The following KLHL13 variants were observed in gnomAD, a reference collection of about 807,000 sequenced individuals.
The protein encoded by KLHL13 is kelch-like protein 13.
In KLHL13, 10 loss-of-function variants were observed where a neutral mutation model predicts 37.1. The observed-to-expected ratio is 0.27, with a 90% CI of 0.17 to 0.46. The LOEUF (loss-of-function observed/expected upper bound fraction) is 0.46, where lower values mean the gene tolerates loss of function less well. KLHL13 is among the 20% of genes least tolerant of loss of function. The pLI, the probability that KLHL13 is intolerant of heterozygous loss-of-function variation, is 1.00. For synonymous variants in KLHL13, 163 were observed against 181.2 expected, an observed-to-expected ratio of 0.90 and a Z score of 0.81; for missense variants, 360 against 509.3, an observed-to-expected ratio of 0.71 and a Z score of 2.82.
intron 2 of KLHL13, among the ~76,000 whole-genome samples, chrX:117,935,445 G>A (rs1602567394): frequency 8.9e-6 from 1 of 112,031 alleles, no homozygotes; most frequent in Non-Finnish European, 1.9e-5. Flanking sequence ...AATGGTTGCT[G>A]TATTAATCCA....
chrX:117,944,128 C>T (rs1933197228), intron 2 of KLHL13, among the ~76,000 whole-genome samples: 1 of 110,910 alleles, frequency 9.0e-6, no homozygotes, highest in Admixed American at 9.7e-5. Context: ...CACTCCAGAC[C>T]CTGTTTGCCC....
At chrX:117,975,207 C>T (rs2497861), upstream of KLHL13, among the ~76,000 whole-genome samples, 3,147 of 110,280 alleles carry the variant, frequency 0.029, 126 homozygotes, top group African/African-American at 0.099. Context: ...CACACAGCCA[C>T]ACACATGTAT....
At chrX:118,040,817 A>G (rs2054499216) in intron 1 of KLHL13, among the ~76,000 whole-genome samples, 1 of 112,284 alleles carries the variant, frequency 8.9e-6, no homozygotes, top group Admixed American at 9.5e-5. Context: ...CAGCAAGAGA[A>G]AAGAAACAAA....
chrX:118,024,870 T>C (rs1419562743), intron 1 of KLHL13, among the ~76,000 whole-genome samples: 1 of 112,290 alleles, frequency 8.9e-6, no homozygotes, highest in Non-Finnish European at 1.9e-5. Flanking sequence ...CCACTTCTAG[T>C]ATACTGTAAA....
intron 1 of KLHL13, among the ~76,000 whole-genome samples, chrX:117,999,367 A>G (rs916023891): frequency 9.0e-6 from 1 of 111,577 alleles, no homozygotes; most frequent in Admixed American, 9.6e-5. Flanking sequence ...GCAGCCATAA[A>G]AAAGGATGAG....
intron 1 of KLHL13, among the ~76,000 whole-genome samples, chrX:118,033,083 G>A (rs1368273370): frequency 3.6e-5 from 4 of 111,101 alleles, no homozygotes; most frequent in Non-Finnish European, 5.7e-5. Flanking sequence ...AAGAAATGTA[G>A]GACTATGTGA....
At chrX:118,065,872 G>A (rs1389667355) in intron 1 of KLHL13, among the ~76,000 whole-genome samples, 2 of 111,784 alleles carry the variant, frequency 1.8e-5, no homozygotes, top group Non-Finnish European at 1.9e-5. Context: ...TATTTTAATA[G>A]ATACTAAAAT....
intron 1 of KLHL13, among the ~76,000 whole-genome samples, chrX:118,065,510 G>C (rs917752330): frequency 9.0e-6 from 1 of 111,222 alleles, no homozygotes; most frequent in African/African-American, 3.3e-5. Flanking sequence ...CTGGGAATTG[G>C]AGCAGAGCAA....
At chrX:117,909,005 T>C (rs1930782568) in intron 5 of KLHL13, among the ~76,000 whole-genome samples, 1 of 111,813 alleles carries the variant, frequency 8.9e-6, no homozygotes, top group Non-Finnish European at 1.9e-5. Context: ...TATTATAATT[T>C]AAATGAGCTA....
chrX:118,089,612 GAA>G (rs1491145529), intron 1 of KLHL13, among the ~76,000 whole-genome samples: 2,489 of 57,264 alleles, frequency 0.043, 43 homozygotes, highest in Middle Eastern at 0.074. Context: ...GAGAGAGAGA[GAA>G]AGAAAGAGAA....
At chrX:118,002,324 C>T (rs765922260) in intron 1 of KLHL13, among the ~76,000 whole-genome samples, 6 of 110,155 alleles carry the variant, frequency 5.4e-5, no homozygotes, top group East Asian at 2.8e-4. Context: ...AGGCCAGGCG[C>T]GGTGGCTCAC....
At chrX:117,926,374 C>T (rs1183442009) in intron 2 of KLHL13, among the ~76,000 whole-genome samples, 1 of 111,099 alleles carries the variant, frequency 9.0e-6, no homozygotes, top group Admixed American at 9.5e-5. Flanking sequence ...GAGAGATCAG[C>T]ACACAGAGAG....
At chrX:118,041,721 A>T (rs981495151) in intron 1 of KLHL13, among the ~76,000 whole-genome samples, 1 of 111,845 alleles carries the variant, frequency 8.9e-6, no homozygotes, top group African/African-American at 3.2e-5. Context: ...CCTCATATCA[A>T]AAAACATATA....
intron 4 of KLHL13, among the ~76,000 whole-genome samples, chrX:117,915,388 CCTTT>C (rs2147669973): frequency 9.0e-6 from 1 of 111,002 alleles, no homozygotes; most frequent in South Asian, 3.9e-4. Context: ...TTATGTACCT[CCTTT>C]ATTTTGTCTC....
chrX:118,090,092 A>G (rs1224359807), intron 1 of KLHL13, among the ~76,000 whole-genome samples: 1 of 108,801 alleles, frequency 9.2e-6, no homozygotes, highest in Non-Finnish European at 1.9e-5. Flanking sequence ...AAAAAAAAAA[A>G]AAAAAAAACT....
intron 1 of KLHL13, among the ~76,000 whole-genome samples, chrX:118,059,092 A>T (rs2054714642): frequency 1.8e-5 from 2 of 111,784 alleles, no homozygotes; most frequent in South Asian, 7.4e-4. Context: ...CTGTTCAAGG[A>T]ACATAAGAAG....
intron 1 of KLHL13, among the ~76,000 whole-genome samples, chrX:118,083,442 C>T (rs1163759490): frequency 9.0e-6 from 1 of 111,579 alleles, no homozygotes; most frequent in African/African-American, 3.3e-5. Flanking sequence ...AATTGATGAA[C>T]TTAGAGGACA....
At chrX:118,052,112 CA>C (rs1407350792) in intron 1 of KLHL13, among the ~76,000 whole-genome samples, 1 of 111,014 alleles carries the variant, frequency 9.0e-6, no homozygotes, top group Non-Finnish European at 1.9e-5. Context: ...TAAAACTTCT[CA>C]AAAAACACTT....
At chrX:118,106,202 C>A (rs2055345430) in intron 1 of KLHL13, among the ~76,000 whole-genome samples, 1 of 109,448 alleles carries the variant, frequency 9.1e-6, no homozygotes, top group African/African-American at 3.3e-5. Context: ...CGGCCAAGAG[C>A]TTTTTATATC....
Sources: gnomAD v4.1 joint callset for allele counts (sites outside exome capture counted in the v4.1 genomes callset) on GRCh38, gnomAD v4.1.1 for gene constraint, MANE v1.5 for transcripts, NCBI Gene and HGNC (gene_info 2026-07-23, HGNC 2026-07-21) for gene names.